CNTNAP2: variants seen among roughly 807,000 people sequenced by gnomAD.
The protein encoded by CNTNAP2 is contactin associated protein 2, also known as contactin-associated protein-like 2.
Under a neutral mutation model 155.2 loss-of-function variants are expected in CNTNAP2, and 98 were observed. The ratio of observed to expected loss-of-function variants is 0.63; its 90% CI spans 0.54 to 0.75. CNTNAP2 has a LOEUF of 0.75. Ranked by LOEUF, CNTNAP2 falls within the 30% of genes least tolerant of loss-of-function variation. The pLI is 0.00. For missense variants in CNTNAP2, 1,727 were observed against 1,688.1 expected (o/e 1.02, Z -0.40); for synonymous variants, 651 against 631.2 (o/e 1.03, Z -0.47).
intron 2 of CNTNAP2, among the ~76,000 whole-genome samples, chr7:146,825,358 C>T (rs1585109306): frequency 6.6e-6 from 1 of 152,080 alleles, no homozygotes; most frequent in African/African-American, 2.4e-5. Context: ...GAACTGCATT[C>T]TTGCCATCCA....
chr7:147,406,297 A>G (rs1797004558), intron 10 of CNTNAP2, among the ~76,000 whole-genome samples: 1 of 152,220 alleles, frequency 6.6e-6, no homozygotes, highest in South Asian at 2.1e-4. Context: ...AAATGTCAGG[A>G]GTAAAAATTT....
intron 13 of CNTNAP2, among the ~76,000 whole-genome samples, chr7:147,728,141 T>C (rs1267928000): frequency 6.9e-6 from 1 of 144,880 alleles, no homozygotes; most frequent in African/African-American, 2.6e-5. Context: ...ATAACAATGA[T>C]GAATACTACT....
chr7:147,858,384 G>T (rs1292007865), intron 13 of CNTNAP2, among the ~76,000 whole-genome samples: 2 of 152,232 alleles, frequency 1.3e-5, no homozygotes, highest in Non-Finnish European at 2.9e-5. Context: ...ACTGCGCCCG[G>T]CCTAATCAAA....
At chr7:147,235,006 A>G (rs952828223) in intron 8 of CNTNAP2, among the ~76,000 whole-genome samples, 2 of 152,052 alleles carry the variant, frequency 1.3e-5, no homozygotes, top group African/African-American at 4.8e-5. Context: ...GCCAGACATT[A>G]TATTCTGGGT....
intron 2 of CNTNAP2, among the ~76,000 whole-genome samples, chr7:146,788,219 G>A (rs780006321): frequency 8.5e-4 from 129 of 152,320 alleles, no homozygotes; most frequent in Admixed American, 2.5e-3. Flanking sequence ...CAGAGGGAGC[G>A]GACTCTTGCC....
intron 17 of CNTNAP2, among the ~76,000 whole-genome samples, chr7:148,152,448 C>T (rs1176439518): frequency 6.6e-6 from 1 of 151,476 alleles, no homozygotes; most frequent in Non-Finnish European, 1.5e-5. Flanking sequence ...TTCCAGAATG[C>T]AAAAATCTGA....
rs186947956 is a variant in CNTNAP2, at chr7:146,386,091, G to A, written c.97+269118G>A. 7.9e-5 allele frequency among the ~76,000 whole-genome samples: 12 copies of A among 152,194 alleles called. No homozygotes were observed. In the East Asian group the frequency reaches 2.1e-3, roughly 27 times the overall value. On this transcript the variant is annotated intron_variant, in intron 1 of 23. Coordinates refer to ENST00000361727, the MANE Select transcript of CNTNAP2 (RefSeq NM_014141.6). ...TGCTGTCCTGCTCCCTGGGTCAATA[G>A]CTTTCACTTTCTTAGCTGTTTCTTC...
chr7:148,151,330 G>C (rs1443200593), intron 17 of CNTNAP2, among the ~76,000 whole-genome samples: 1 of 152,094 alleles, frequency 6.6e-6, no homozygotes, highest in Admixed American at 6.5e-5. Context: ...ATTTGAGACA[G>C]GGTCTTTCTC....
chr7:146,648,846 T>A (rs945607576), intron 1 of CNTNAP2, among the ~76,000 whole-genome samples: 12 of 152,022 alleles, frequency 7.9e-5, no homozygotes, highest in African/African-American at 2.9e-4. Context: ...AATAGAAGAA[T>A]AGGAATGACT....
chr7:146,588,000 GTGTGTA>G (rs1490467159), intron 1 of CNTNAP2, among the ~76,000 whole-genome samples: 7 of 130,990 alleles, frequency 5.3e-5, no homozygotes, highest in Non-Finnish European at 9.4e-5. Flanking sequence ...AACAAACCGT[GTGTGTA>G]TGTGTGTGTG....
intron 15 of CNTNAP2, among the ~76,000 whole-genome samples, chr7:148,098,908 G>C (rs1004958404): frequency 4.6e-5 from 7 of 152,136 alleles, no homozygotes; most frequent in African/African-American, 1.7e-4. Flanking sequence ...TCAGGTGCCA[G>C]GGAAGCCCAG....
At position 146,703,306 on chromosome 7, in the gene CNTNAP2, G is replaced by T. The variant is rs943145292; in HGVS notation, c.98-70965G>T. On this transcript the variant is annotated intron_variant, in intron 1 of 23. Transcript: ENST00000361727. The stretch of plus-strand genomic sequence containing the variant: ...AGGGGTCTCTATGAGGGTTGGTCAA[G>T]TGTATGTCTCATGATATGACTTTTC... Among the ~76,000 whole-genome samples, 22 of 152,234 alleles carry T rather than the reference G, an allele frequency of 1.4e-4. No individual in the cohort carries two copies. In the East Asian group the frequency reaches 2.9e-3, roughly 20 times the overall value.
chr7:147,094,393 T>A (rs1228873840), intron 4 of CNTNAP2, among the ~76,000 whole-genome samples: 3 of 134,250 alleles, frequency 2.2e-5, no homozygotes, highest in Non-Finnish European at 4.6e-5. Flanking sequence ...TTTATTATTA[T>A]TATTCCTTTT....
At chr7:148,386,818 C>T (rs1799220607) in intron 22 of CNTNAP2, among the ~76,000 whole-genome samples, 1 of 152,004 alleles carries the variant, frequency 6.6e-6, no homozygotes, top group Non-Finnish European at 1.5e-5. Flanking sequence ...CATATAGGAG[C>T]TTGAAAAAGA....
intron 1 of CNTNAP2, among the ~76,000 whole-genome samples, chr7:146,622,490 T>C (rs1799343825): frequency 6.6e-6 from 1 of 152,116 alleles, no homozygotes; most frequent in Non-Finnish European, 1.5e-5. Flanking sequence ...TCTATAAATT[T>C]CTATATCTGT....
intron 1 of CNTNAP2, among the ~76,000 whole-genome samples, chr7:146,146,875 T>C (rs1390039489): frequency 1.3e-5 from 2 of 152,192 alleles, no homozygotes; most frequent in African/African-American, 4.8e-5. Flanking sequence ...TTGCATAGTC[T>C]ATATTTCTTT....
At chr7:148,004,182 T>C (rs973144870) in intron 15 of CNTNAP2, among the ~76,000 whole-genome samples, 1 of 152,216 alleles carries the variant, frequency 6.6e-6, no homozygotes, top group Non-Finnish European at 1.5e-5. Context: ...CAGCTTAATA[T>C]AGGCATGTTT....
intron 21 of CNTNAP2, among the ~76,000 whole-genome samples, chr7:148,374,638 T>A (rs953030811): frequency 2.6e-5 from 4 of 152,304 alleles, no homozygotes; most frequent in Admixed American, 2.0e-4. Flanking sequence ...CACACAGAGA[T>A]AAATTATTTT....
chr7:147,652,493 T>C (rs1257522608), intron 13 of CNTNAP2, among the ~76,000 whole-genome samples: 1 of 152,172 alleles, frequency 6.6e-6, no homozygotes, highest in African/African-American at 2.4e-5. Flanking sequence ...TTATTAAAGG[T>C]TCACCTGGGC....
Sources: allele counts gnomAD v4.1 joint callset (sites outside exome capture counted in the v4.1 genomes callset), GRCh38; gene constraint gnomAD v4.1.1; transcripts MANE v1.5; gene names NCBI Gene and HGNC (gene_info 2026-07-23, HGNC 2026-07-21).